HID1: variants seen among roughly 807,000 people sequenced by gnomAD.
The protein encoded by HID1 is protein HID1.
A neutral mutation model predicts 89.7 loss-of-function variants in HID1; 42 were observed. The observed-to-expected ratio is 0.47, with a 90% CI of 0.37 to 0.61. The LOEUF is 0.61. Among genes scored for constraint, HID1 ranks in the 20% least tolerant of loss-of-function variants. The pLI, the probability that HID1 is intolerant of heterozygous loss-of-function variation, is 0.00. For missense variants in HID1, 854 were observed against 1,039.3 expected, an observed-to-expected ratio of 0.82 and a Z score of 2.45; for synonymous variants, 442 against 433.8, an observed-to-expected ratio of 1.02 and a Z score of -0.24.
rs556008243 is a variant in HID1, at chr17:74,963,684, G to A, written c.387+56C>T. The A allele has an allele frequency of 1.6e-4, 235 of 1,503,180 alleles. No homozygotes were observed. The African/African-American group carries it at 2.6e-3, about 17-fold the overall frequency. 93.1% of individuals were successfully genotyped at this position (1,503,180 alleles called of 1,614,324 possible). A position where few individuals can be genotyped will look rare whatever the true frequency, so the allele number is the denominator to read the frequency against. ...AGGAGCATGGCCGGCCCTAAAGGGC[G>A]CTCTCCCTGTGACGCCAACTCTGCC... On this transcript the variant is annotated intron_variant, in intron 3 of 18. Coordinates refer to ENST00000425042, the MANE Select transcript of HID1 (RefSeq NM_030630.3).
Position 74,958,460 on chromosome 17 carries a change from T to A in HID1, c.1259A>T (p.His420Leu). The change falls in exon 11 of 19, where the codon CAC (histidine) becomes CTC (leucine). Residue 420 changes from histidine to leucine, a missense_variant. Coordinates refer to ENST00000425042, the MANE Select transcript of HID1 (RefSeq NM_030630.3). The surrounding 1 kb of genome is among the most constrained non-coding windows in gnomAD (Gnocchi z 5.2). ...AAGCAGCAAGATGAAGACACCAATGTGCATCAGGCCCACCCGAGCTGCGGC... is the reference window on the plus strand; with the variant it reads ...AAGCAGCAAGATGAAGACACCAATGAGCATCAGGCCCACCCGAGCTGCGGC... ...RADQSRVGLM[H>L]IGVFILLLLS... The A allele has an allele frequency of 6.3e-7, 1 of 1,597,634 alleles. No homozygotes were observed. Among genetic ancestry groups the A allele is most frequent in the East Asian group, 2.3e-5 (1 of 44,092 alleles).
chr17:74,953,932 C>G (rs575213835), intron 14 of HID1, among the ~76,000 whole-genome samples: 1 of 152,242 alleles, frequency 6.6e-6, no homozygotes, highest in East Asian at 1.9e-4. Flanking sequence ...AGTCTACACT[C>G]GCCCTGAGGC....
chr17:74,970,626 G>A (rs1162802222), intron 1 of HID1: 1 of 153,048 alleles, frequency 6.5e-6, no homozygotes, highest in Non-Finnish European at 1.5e-5. Context: ...CAGGATGCAG[G>A]GCAGGAAGGC....
In HID1 at chr17:74,962,417, C is replaced by T; in HGVS notation, c.505-77G>A. ...AGCCTGGGTCAGAACCTGGCCACCTCGAGCCTCACACAGTCCCAGGGGCAG... is the reference window on the plus strand; with the variant it reads ...AGCCTGGGTCAGAACCTGGCCACCTTGAGCCTCACACAGTCCCAGGGGCAG... On this transcript the variant is annotated intron_variant, in intron 4 of 18. Coordinates refer to ENST00000425042, the MANE Select transcript of HID1 (RefSeq NM_030630.3). This position sits in a 1 kb window ranked among gnomAD's most constrained non-coding sequence, Gnocchi z 4.3. 5.4e-6 allele frequency: 5 copies of T among 927,200 alleles called. No homozygotes were observed. Among genetic ancestry groups the T allele is most frequent in the South Asian group, 3.2e-5 (2 of 63,196 alleles). The allele number at this position is 927,200 out of a possible 1,614,324, so 57.4% of individuals were successfully genotyped here.
In HID1 at chr17:74,951,540, C is replaced by G; in HGVS notation, c.*30G>C. ...CTCAGGGACCAAGGCCCTGCCTTCC[C>G]CTAGACTGAGCCCCTCGTCGGCTTC... On this transcript the variant is annotated 3_prime_UTR_variant, in exon 19 of 19. Transcript: ENST00000425042. 1.9e-6 allele frequency: 3 copies of G among 1,599,676 alleles called. No homozygotes were observed. Among genetic ancestry groups the G allele is most frequent in the South Asian group, 2.3e-5 (2 of 88,768 alleles).
chr17:74,972,635 G>A lies in HID1; in HGVS notation c.22C>T (p.Leu8=). Residue 8 remains leucine (L), a synonymous_variant, in exon 1 of 19, where the codon CTG becomes TTG. Coordinates refer to ENST00000425042, the MANE Select transcript of HID1 (RefSeq NM_030630.3). The surrounding 1 kb of genome is among the most constrained non-coding windows in gnomAD (Gnocchi z 6.4). MGSTDSK[L]NFRKAVIQLT... ...TGGATCACCGCCTTCCGGAAGTTCA[G>A]CTTGGAGTCGGTCGACCCCATGTCT... The A allele has an allele frequency of 1.3e-6, 2 of 1,548,872 alleles. No individual in the cohort carries two copies. The highest frequency in any genetic ancestry group is 8.7e-7 in the Non-Finnish European group (1 of 1,145,698).
chr17:74,968,393 G>A (rs1320050805), intron 1 of HID1, among the ~76,000 whole-genome samples: 1 of 151,982 alleles, frequency 6.6e-6, no homozygotes. Flanking sequence ...GAGCACCCGT[G>A]GAACTCTCCA....
intron 12 of HID1, 181 bp downstream of exon 12, chr17:74,957,960 T>C (rs2039415845): frequency 1.7e-6 from 1 of 598,430 alleles, no homozygotes; most frequent in Non-Finnish European, 3.0e-6. Context: ...TGATGATAGA[T>C]AAAACATATT....
chr17:74,958,621 C>A lies in HID1; in HGVS notation c.1240+52G>T. 6.3e-7 allele frequency: 1 copy of A among 1,596,712 alleles called. No individual in the cohort carries two copies. Among genetic ancestry groups the A allele is most frequent in the Admixed American group, 1.7e-5 (1 of 59,804 alleles). On this transcript the variant is annotated intron_variant, in intron 10 of 18. Transcript: ENST00000425042. This position sits in a 1 kb window ranked among gnomAD's most constrained non-coding sequence, Gnocchi z 5.2. Reference sequence around the variant, plus strand: ...GGAGTCAGGGCAGATAGCCAGCCCTCCACCTCGCCGCCAGGAAAGCCCCCA... The same window carrying A: ...GGAGTCAGGGCAGATAGCCAGCCCTACACCTCGCCGCCAGGAAAGCCCCCA...
At chr17:74,952,135 AG>A (rs1474825632) in intron 17 of HID1, 72 bp from the exon 18 acceptor site, 21 of 1,529,482 alleles carry the variant, frequency 1.4e-5, no homozygotes, top group Non-Finnish European at 1.8e-5. Context: ...TGGCCACCCA[AG>A]ACCCATGTTT....
chr17:74,959,789 G>C lies in HID1; in HGVS notation c.1008+92C>G. On this transcript the variant is annotated intron_variant, in intron 8 of 18. Transcript: ENST00000425042. The surrounding 1 kb of genome is among the most constrained non-coding windows in gnomAD (Gnocchi z 4.6). ...GGTGGCCCCAGCCCACAGAGAGCAT[G>C]GTTCCTTCATGGAGGGGTCAGGATC... is the stretch of plus-strand genomic sequence containing the variant. The C allele has an allele frequency of 1.5e-6, 2 of 1,351,370 alleles. No individual in the cohort carries two copies. The highest frequency in any genetic ancestry group is 2.1e-6 in the Non-Finnish European group (2 of 949,762). 83.7% of individuals were successfully genotyped at this position (1,351,370 alleles called of 1,614,324 possible).
chr17:74,969,922 C>CTTTTTTTTTTT (rs61436029), intron 1 of HID1, among the ~76,000 whole-genome samples: 8 of 112,150 alleles, frequency 7.1e-5, no homozygotes, highest in African/African-American at 2.8e-4. Flanking sequence ...TTTCTTTTTT[C>CTTTTTTTTTTT]TTTTTTTTTT....
In HID1 at chr17:74,972,561, G is replaced by T. The variant is rs780436551; in HGVS notation, c.66+30C>A. ...TGCCCAGCCCCCAGCCCGGCAGGTG[G>T]ATGGGGACGCCGGGGCCCCCGTGGC... On this transcript the variant is annotated intron_variant, in intron 1 of 18. Transcript: ENST00000425042. This position sits in a 1 kb window ranked among gnomAD's most constrained non-coding sequence, Gnocchi z 6.4. The T allele has an allele frequency of 2.5e-5, 39 of 1,538,234 alleles. 1 individual carries two copies. In the South Asian group the frequency reaches 4.5e-4, roughly 18 times the overall value.
chr17:74,960,703 C>A (rs1278942983), intron 6 of HID1, among the ~76,000 whole-genome samples: 2 of 152,242 alleles, frequency 1.3e-5, no homozygotes, highest in East Asian at 3.8e-4. Flanking sequence ...TCTGGCCAGC[C>A]TCGGACTGTG....
At chr17:74,953,737 GT>G in intron 14 of HID1, 86 bp from the exon 15 acceptor site, 2 of 1,070,082 alleles carry the variant, frequency 1.9e-6, no homozygotes, top group Non-Finnish European at 2.8e-6. Flanking sequence ...ATTTTTATTT[GT>G]TTTACTCCTG....
At chr17:74,967,167 T>C (rs1233481231) in intron 1 of HID1, among the ~76,000 whole-genome samples, 1 of 149,280 alleles carries the variant, frequency 6.7e-6, no homozygotes, top group Non-Finnish European at 1.5e-5. Context: ...AACTCGGGAG[T>C]TGAAGGTTGC....
At chr17:74,964,752 T>C (rs2039537359) in intron 1 of HID1, 120 bp from the exon 2 acceptor site, 4 of 1,030,178 alleles carry the variant, frequency 3.9e-6, no homozygotes, top group Non-Finnish European at 5.6e-6. Context: ...CCTGCTGGGG[T>C]CCCAGAGCCA....
chr17:74,963,671 G>A (rs1303220880), intron 3 of HID1, 69 bp downstream of exon 3: 23 of 1,428,934 alleles, frequency 1.6e-5, no homozygotes, highest in Middle Eastern at 2.4e-4. Context: ...GAGCATGGCC[G>A]GCCCTAAAGG....
intron 17 of HID1, 37 bp from the exon 18 acceptor site, chr17:74,952,100 G>A (rs969973098): frequency 1.3e-6 from 2 of 1,548,680 alleles, no homozygotes; most frequent in Admixed American, 2.0e-5. Context: ...CACTCACGTG[G>A]TCCAGGGGAG....
Sources: allele counts gnomAD v4.1 joint callset (sites outside exome capture counted in the v4.1 genomes callset), GRCh38; gene constraint gnomAD v4.1.1; non-coding constraint Gnocchi (gnomAD v3.1); transcripts MANE v1.5; gene names NCBI Gene and HGNC (gene_info 2026-07-23, HGNC 2026-07-21).